The following GXYLT1 variants were observed in gnomAD, a reference collection of about 807,000 sequenced individuals.
GXYLT1 encodes glucoside xylosyltransferase 1, also known as glycosyltransferase 8 domain containing 3.
In GXYLT1, 29 loss-of-function variants were observed where a neutral mutation model predicts 54.0. The observed-to-expected ratio is 0.54, with a 90% CI of 0.40 to 0.73. GXYLT1 has a LOEUF of 0.73. Ranked by LOEUF, GXYLT1 falls within the 30% of genes least tolerant of loss-of-function variation. The pLI is 0.00. For missense variants in GXYLT1, 490 were observed against 553.4 expected (o/e 0.89, Z 1.15); for synonymous variants, 176 against 204.1 (o/e 0.86, Z 1.17).
intron 1 of GXYLT1, among the ~76,000 whole-genome samples, chr12:42,136,051 G>A (rs1190198622): frequency 1.3e-5 from 2 of 152,084 alleles, no homozygotes; most frequent in African/African-American, 2.4e-5. Flanking sequence ...AAAACACTTA[G>A]GTATTGCTGT....
At chr12:42,103,250 C>T (rs1397581566) in intron 5 of GXYLT1, among the ~76,000 whole-genome samples, 2 of 152,214 alleles carry the variant, frequency 1.3e-5, no homozygotes, top group Admixed American at 1.3e-4. Context: ...TGAGCCACCA[C>T]ACCTGGACCT....
intron 3 of GXYLT1, among the ~76,000 whole-genome samples, chr12:42,113,188 TA>T (rs2065469995): frequency 6.6e-6 from 1 of 150,970 alleles, no homozygotes. Flanking sequence ...TGCCAAAATG[TA>T]AAGACCATCA....
intron 3 of GXYLT1, among the ~76,000 whole-genome samples, chr12:42,116,519 AT>A (rs1464169025): frequency 2.0e-5 from 3 of 152,260 alleles, no homozygotes; most frequent in Non-Finnish European, 4.4e-5. Flanking sequence ...CAAAAAACAC[AT>A]GAAAAAATGC....
At chr12:42,144,324 C>G in intron 1 of GXYLT1, 102 bp downstream of exon 1, 1 of 686,922 alleles carries the variant, frequency 1.5e-6, no homozygotes, top group South Asian at 2.5e-5. Flanking sequence ...GGAGGAAAGA[C>G]GCGGGAGACG....
At chr12:42,137,581 C>T (rs137964000) in intron 1 of GXYLT1, among the ~76,000 whole-genome samples, 13 of 144,964 alleles carry the variant, frequency 9.0e-5, no homozygotes, top group African/African-American at 3.3e-4. Flanking sequence ...TGCGGTGAAA[C>T]CCTGTCTCTA....
In GXYLT1 at chr12:42,083,180, T is replaced by A. The variant is rs2065263372; in HGVS notation, c.*4606A>T. 6.6e-6 allele frequency: 1 copy of A among 152,102 alleles called. No individual in the cohort carries two copies. The highest frequency in any genetic ancestry group is 6.5e-5 in the Admixed American group (1 of 15,272). The allele number at this position is 152,102 out of a possible 1,614,324, so 9.4% of individuals were successfully genotyped here. A position where few individuals can be genotyped will look rare whatever the true frequency, so the allele number is the denominator to read the frequency against. Reference sequence around the variant, plus strand: ...GCTGGATATTTGAATAACACATTAATTTTTTAAAAAAAAATTTTCTGGTAC... The same window carrying A: ...GCTGGATATTTGAATAACACATTAAATTTTTAAAAAAAAATTTTCTGGTAC... On this transcript the variant is annotated 3_prime_UTR_variant, in exon 8 of 8. Coordinates refer to ENST00000398675, the MANE Select transcript of GXYLT1 (RefSeq NM_173601.2).
chr12:42,128,587 C>T (rs1379728147), intron 2 of GXYLT1, among the ~76,000 whole-genome samples: 1 of 152,160 alleles, frequency 6.6e-6, no homozygotes, highest in African/African-American at 2.4e-5. Context: ...TAGTGTGAAA[C>T]TCCCATCAGA....
rs2065263320 is a variant in GXYLT1 at position 42,083,174 on chromosome 12, CATT to C, written c.*4609_*4611del. 2 of 151,828 alleles carry C rather than the reference CATT, an allele frequency of 1.3e-5. No individual in the cohort carries two copies. Among genetic ancestry groups the C allele is most frequent in the South Asian group, 2.1e-4 (1 of 4,812 alleles). 9.4% of individuals were successfully genotyped at this position (151,828 alleles called of 1,614,324 possible). ...TTAATTGCTGGATATTTGAATAACACATTAATTTTTTAAAAAAAAATTTTCTGG... is the reference window on the plus strand; with the variant it reads ...TTAATTGCTGGATATTTGAATAACACAATTTTTTAAAAAAAAATTTTCTGG... On this transcript the variant is annotated 3_prime_UTR_variant, in exon 8 of 8. Transcript: ENST00000398675.
intron 3 of GXYLT1, among the ~76,000 whole-genome samples, chr12:42,115,234 CCT>C (rs1222095139): frequency 3.3e-5 from 5 of 152,232 alleles, no homozygotes; most frequent in South Asian, 2.1e-4. Context: ...ACAGGGATGC[CCT>C]CTCTCACCAC....
At chr12:42,102,925 T>TA (rs1468969177) in intron 5 of GXYLT1, among the ~76,000 whole-genome samples, 1 of 151,952 alleles carries the variant, frequency 6.6e-6, no homozygotes, top group Non-Finnish European at 1.5e-5. Flanking sequence ...TTCATTAAAT[T>TA]AAATTATTTG....
In GXYLT1 at chr12:42,144,602, G is replaced by C; in HGVS notation, c.45C>G (p.Gly15=). ...LRVVVLCVAC[G]FCSLLYAFSQ... is the part of the protein sequence containing the mutation. Reference sequence around the variant, plus strand: ...TGAAAGCGTAAAGGAGCGAGCAGAAGCCGCAGGCCACACACAGCACCACGA... The same window carrying C: ...TGAAAGCGTAAAGGAGCGAGCAGAACCCGCAGGCCACACACAGCACCACGA... Residue 15 remains glycine, a synonymous_variant, in exon 1 of 8, where the codon GGC becomes GGG. Transcript: ENST00000398675. 6.8e-7 allele frequency: 1 copy of C among 1,477,240 alleles called. No homozygotes were observed. Among genetic ancestry groups the C allele is most frequent in the Non-Finnish European group, 9.0e-7 (1 of 1,111,224 alleles). 91.5% of individuals were successfully genotyped at this position (1,477,240 alleles called of 1,614,324 possible).
At position 42,087,963 on chromosome 12, in the gene GXYLT1, T is replaced by A; in HGVS notation, c.1162-16A>T. The A allele has an allele frequency of 7.1e-7, 1 of 1,412,786 alleles. No individual in the cohort carries two copies. The allele number at this position is 1,412,786 out of a possible 1,614,324, so 87.5% of individuals were successfully genotyped here. On this transcript the variant is annotated splice_polypyrimidine_tract_variant and intron_variant, in intron 7 of 7. Transcript: ENST00000398675. ...CAAAAGAACACTAGAGAAAGAAAAT[T>A]TTAAAAAATAAAAAATTTAAAAGGC...
At chr12:42,093,415 A>T (rs61023006) in intron 7 of GXYLT1, among the ~76,000 whole-genome samples, 1 of 152,144 alleles carries the variant, frequency 6.6e-6, no homozygotes, top group African/African-American at 2.4e-5. Context: ...AATACCAACA[A>T]GTTTTTAACT....
intron 3 of GXYLT1, among the ~76,000 whole-genome samples, chr12:42,113,870 T>C (rs1230734456): frequency 1.3e-5 from 2 of 150,998 alleles, no homozygotes; most frequent in African/African-American, 5.0e-5. Context: ...ATTGACCACA[T>C]AGTTGGAAGT....
chr12:42,142,856 G>C (rs1246146037), intron 1 of GXYLT1, among the ~76,000 whole-genome samples: 1 of 152,048 alleles, frequency 6.6e-6, no homozygotes, highest in Non-Finnish European at 1.5e-5. Flanking sequence ...TTTTTACAAA[G>C]AGAGATAAAT....
At chr12:42,144,092 A>C (rs1190143225) in intron 1 of GXYLT1, among the ~76,000 whole-genome samples, 1 of 152,214 alleles carries the variant, frequency 6.6e-6, no homozygotes, top group African/African-American at 2.4e-5. Flanking sequence ...AAACAAGAGG[A>C]AATTCTCACT....
At chr12:42,098,764 T>TATATATATATATATATATATATATATAA (rs2065372429) in intron 5 of GXYLT1, among the ~76,000 whole-genome samples, 2 of 133,690 alleles carry the variant, frequency 1.5e-5, no homozygotes, top group African/African-American at 2.9e-5. Context: ...TTAAAACATA[T>TATATATATATATATATATATATATATAA]ATATATATAT....
At chr12:42,113,767 C>A (rs2065474431) in intron 3 of GXYLT1, among the ~76,000 whole-genome samples, 1 of 150,972 alleles carries the variant, frequency 6.6e-6, no homozygotes, top group African/African-American at 2.5e-5. Flanking sequence ...CTCAGCTCTG[C>A]ACCAAGCGGA....
intron 5 of GXYLT1, among the ~76,000 whole-genome samples, chr12:42,102,764 T>A (rs752091783): frequency 1.3e-5 from 2 of 152,066 alleles, no homozygotes; most frequent in African/African-American, 4.8e-5. Flanking sequence ...AATACCCTAA[T>A]AGGGATTCAA....
Sources: gnomAD v4.1 joint callset for allele counts (sites outside exome capture counted in the v4.1 genomes callset) on GRCh38, gnomAD v4.1.1 for gene constraint, MANE v1.5 for transcripts, NCBI Gene and HGNC (gene_info 2026-07-23, HGNC 2026-07-21) for gene names.